Variants in ZNF749 observed in about 807,000 individuals in gnomAD.
ZNF749 encodes the protein zinc finger protein 749.
In ZNF749, 8 loss-of-function variants were observed where a neutral mutation model predicts 7.3. That is an observed-to-expected ratio of 1.10 (90% CI 0.64 to 1.98). The LOEUF is 1.98. ZNF749 is among the 30% of genes most tolerant of loss of function. The pLI is 0.00. For synonymous variants in ZNF749, 310 were observed against 322.4 expected, an observed-to-expected ratio of 0.96 and a Z score of 0.41; for missense variants, 898 against 932.4, an observed-to-expected ratio of 0.96 and a Z score of 0.48.
rs551182517 is a variant in ZNF749 at position 57,446,776 on chromosome 19, C to T, written c.*1291C>T. Reference sequence around the variant, plus strand: ...CTAGGCTATATGATATGGTCCATTGCGCCTCAGATATAAACCTTAACAGCA... The same window carrying T: ...CTAGGCTATATGATATGGTCCATTGTGCCTCAGATATAAACCTTAACAGCA... On this transcript the variant is annotated 3_prime_UTR_variant, in exon 3 of 3. Coordinates refer to ENST00000334181, the MANE Select transcript of ZNF749 (RefSeq NM_001023561.4). 4.6e-5 allele frequency among the ~76,000 whole-genome samples: 7 copies of T among 152,174 alleles called. No individual in the cohort carries two copies. Among genetic ancestry groups the T allele is most frequent in the South Asian group, 2.1e-4 (1 of 4,826 alleles).
chr19:57,433,189 T>C (rs989776607), upstream of ZNF749, among the ~76,000 whole-genome samples: 5 of 151,336 alleles, frequency 3.3e-5, no homozygotes, highest in African/African-American at 4.9e-5. Context: ...TCCTATGTGA[T>C]TGGCTAGTGA....
rs1257803687 is a variant in ZNF749, at chr19:57,443,645, A to G, written c.497A>G (p.Asp166Gly). ...GGCAAGGATTTTACTGCCAGCTCAG[A>G]CCTTCTCCAGCAACAGGTCTTAAAC... ...QGGKDFTASS[D>G]LLQQQVLNSG... The change falls in exon 3 of 3, where the codon GAC (aspartate) becomes GGC (glycine). Residue 166 changes from aspartate to glycine, a missense_variant. Coordinates refer to ENST00000334181, the MANE Select transcript of ZNF749 (RefSeq NM_001023561.4). The G allele has an allele frequency of 1.2e-6, 2 of 1,614,196 alleles. No individual in the cohort carries two copies. Among genetic ancestry groups the G allele is most frequent in the Admixed American group, 3.3e-5 (2 of 60,020 alleles).
upstream of ZNF749, among the ~76,000 whole-genome samples, chr19:57,434,420 C>A (rs2088915434): frequency 6.6e-6 from 1 of 152,154 alleles, no homozygotes; most frequent in African/African-American, 2.4e-5. Flanking sequence ...CCCAGACAAC[C>A]ATTTCTACTG....
In ZNF749 at chr19:57,445,274, C is replaced by G. The variant is rs76428401; in HGVS notation, c.2126C>G (p.Ser709Trp). Residue 709 changes from serine to tryptophan, a missense_variant, in exon 3 of 3, where the codon TCG (serine) becomes TGG (tryptophan). By Grantham distance (177) the Ser-to-Trp change is radical. Transcript: ENST00000334181. ...SKCRELFRTK[S>W]SLIIHQQSHT... ...TGTAGGGAATTGTTTAGGACTAAATCGAGCCTTATTATACATCAGCAGTCT... is the reference window on the plus strand; with the variant it reads ...TGTAGGGAATTGTTTAGGACTAAATGGAGCCTTATTATACATCAGCAGTCT... 2 of 1,613,822 alleles carry G rather than the reference C, an allele frequency of 1.2e-6. No individual in the cohort carries two copies. Among genetic ancestry groups the G allele is most frequent in the Non-Finnish European group, 1.7e-6 (2 of 1,179,868 alleles).
chr19:57,432,100 T>C (rs945533306), upstream of ZNF749, among the ~76,000 whole-genome samples: 1 of 152,034 alleles, frequency 6.6e-6, no homozygotes, highest in Middle Eastern at 3.4e-3. Flanking sequence ...CCCAAAAGGC[T>C]GGGATTACAG....
the ZNF749 span, among the ~76,000 whole-genome samples, chr19:57,429,034 G>T: frequency 9.1e-4 from 137 of 150,850 alleles, no homozygotes; most frequent in Middle Eastern, 3.4e-3. The surrounding 1 kb of genome is among the most constrained non-coding windows in gnomAD (Gnocchi z 4.2). Context: ...ACTTTTTTTT[G>T]TGTGTGTGTG....
In ZNF749 at chr19:57,441,866, A is replaced by G. The variant is rs1172519420; in HGVS notation, c.16-19A>G. ...GAATAAGAAGTTGTTCATAGACTGA[A>G]GTGTCATAATTTTGGCAGGATTGTA... On this transcript the variant is annotated intron_variant, in intron 1 of 2. Coordinates refer to ENST00000334181, the MANE Select transcript of ZNF749 (RefSeq NM_001023561.4). 1 of 1,613,908 alleles carries G rather than the reference A, an allele frequency of 6.2e-7. No homozygotes were observed. Among genetic ancestry groups the G allele is most frequent in the Non-Finnish European group, 8.5e-7 (1 of 1,179,886 alleles).
upstream of ZNF749, among the ~76,000 whole-genome samples, chr19:57,435,149 T>C (rs1038583968): frequency 7.0e-6 from 1 of 143,018 alleles, no homozygotes; most frequent in Non-Finnish European, 1.6e-5. Flanking sequence ...GCGCCCAGCA[T>C]TGTGAGGCGA....
chr19:57,443,557 A>C lies in ZNF749; in HGVS notation c.409A>C (p.Arg137=). 1 of 1,614,252 alleles carries C rather than the reference A, an allele frequency of 6.2e-7. No homozygotes were observed. Among genetic ancestry groups the C allele is most frequent in the Non-Finnish European group, 8.5e-7 (1 of 1,180,038 alleles). ...REKLTRSDEW[R]PSFVNHSAHV... ...GAAGCTCACCAGAAGTGATGAGTGG[A>C]GGCCTTCATTTGTGAACCACAGTGC... is the stretch of plus-strand genomic sequence containing the variant. The change falls in exon 3 of 3, where the codon AGG becomes CGG. Residue 137 remains arginine (R), a synonymous_variant. Coordinates refer to ENST00000334181, the MANE Select transcript of ZNF749 (RefSeq NM_001023561.4).
chr19:57,441,115 CAA>C (rs35321744), intron 1 of ZNF749, among the ~76,000 whole-genome samples: 4 of 71,272 alleles, frequency 5.6e-5, no homozygotes, highest in African/African-American at 1.2e-4. Flanking sequence ...ACTCTTGTCT[CAA>C]AAAAAAAAAA....
intron 1 of ZNF749, among the ~76,000 whole-genome samples, chr19:57,435,995 A>T (rs1475129537): frequency 6.6e-6 from 1 of 152,174 alleles, no homozygotes; most frequent in Non-Finnish European, 1.5e-5. Context: ...GGGACCGCTG[A>T]GGAGACCCCT....
intron 1 of ZNF749, chr19:57,438,406 C>T: frequency 3.7e-6 from 1 of 267,206 alleles, no homozygotes; most frequent in Non-Finnish European, 6.9e-6. Flanking sequence ...GCTGCCTTTG[C>T]TCACTAGAAG....
Position 57,445,429 on chromosome 19 carries a change from A to T in ZNF749, c.2281A>T (p.Lys761Ter). Residue 761 changes from lysine to a stop codon, truncating the protein, a stop_gained, in exon 3 of 3, where the codon AAA (lysine) becomes TAA (stop). Coordinates refer to ENST00000334181, the MANE Select transcript of ZNF749 (RefSeq NM_001023561.4). LOFTEE classifies it low-confidence loss of function (END_TRUNC). ...YECGESSKVF[K>*]YNSSLIKHQI... ...GTGTGGTGAATCCAGCAAAGTGTTT[A>T]AATACAACTCCAGCCTCATTAAACA... 1.9e-6 allele frequency: 3 copies of T among 1,613,844 alleles called. No individual in the cohort carries two copies. The highest frequency in any genetic ancestry group is 2.5e-6 in the Non-Finnish European group (3 of 1,179,768).
chr19:57,430,992 A>G (rs1367341759), upstream of ZNF749, among the ~76,000 whole-genome samples: 1 of 144,002 alleles, frequency 6.9e-6, no homozygotes, highest in Non-Finnish European at 1.5e-5. Context: ...GTGAGCCGAA[A>G]TTGTGCCACT....
upstream of ZNF749, among the ~76,000 whole-genome samples, chr19:57,434,179 C>T (rs529481980): frequency 5.3e-4 from 80 of 152,270 alleles, 1 homozygote; most frequent in South Asian, 4.1e-4. Context: ...CTCACCGTAA[C>T]CTCCGCCTCC....
At position 57,445,567 on chromosome 19, in the gene ZNF749, A is replaced by G; in HGVS notation, c.*82A>G. On this transcript the variant is annotated 3_prime_UTR_variant, in exon 3 of 3. Transcript: ENST00000334181. ...CACATCGGACCAAGAACCTATTAAT[A>G]TATGTAAATCTAATGTTGAAAGAGT... The G allele has an allele frequency of 6.6e-7, 1 of 1,516,026 alleles. No homozygotes were observed. The highest frequency in any genetic ancestry group is 8.8e-7 in the Non-Finnish European group (1 of 1,135,964). The allele number at this position is 1,516,026 out of a possible 1,614,324, so 93.9% of individuals were successfully genotyped here. A position where few individuals can be genotyped will look rare whatever the true frequency, so the allele number is the denominator to read the frequency against.
chr19:57,443,985 TTCA>T lies in ZNF749; in HGVS notation c.838_840del (p.Ser280del). Reference sequence around the variant, plus strand: ...AGAAAATTCACAGTGAAGGCTTTCTTTCAAAAAGGTCTGACCCCATTGAACATC... The same window carrying T: ...AGAAAATTCACAGTGAAGGCTTTCTTAAAAGGTCTGACCCCATTGAACATC... On this transcript the variant is annotated inframe_deletion, in exon 3 of 3. Coordinates refer to ENST00000334181, the MANE Select transcript of ZNF749 (RefSeq NM_001023561.4). The T allele has an allele frequency of 6.2e-7, 1 of 1,613,804 alleles. No homozygotes were observed. The highest frequency in any genetic ancestry group is 8.5e-7 in the Non-Finnish European group (1 of 1,179,864).
chr19:57,435,731 G>A (rs1003426981), intron 1 of ZNF749, 138 bp downstream of exon 1: 15 of 1,441,770 alleles, frequency 1.0e-5, no homozygotes, highest in Non-Finnish European at 1.4e-5. Context: ...CTGGGACTGC[G>A]GTGCGATGAG....
At chr19:57,429,342 T>G in the ZNF749 span, among the ~76,000 whole-genome samples, 2 of 152,218 alleles carry the variant, frequency 1.3e-5, no homozygotes, top group African/African-American at 4.8e-5. This position sits in a 1 kb window ranked among gnomAD's most constrained non-coding sequence, Gnocchi z 4.2. Context: ...ATCAACACTT[T>G]GATTGTCTCC....
Sources: gnomAD v4.1 joint callset for allele counts (sites outside exome capture counted in the v4.1 genomes callset) on GRCh38, gnomAD v4.1.1 for gene constraint, Gnocchi (gnomAD v3.1) non-coding constraint, MANE v1.5 for transcripts, NCBI Gene and HGNC (gene_info 2026-07-23, HGNC 2026-07-21) for gene names.